The following POLR3B variants were observed in gnomAD, a reference collection of about 807,000 sequenced individuals.
POLR3B encodes RNA polymerase III subunit B.
In POLR3B, 96 loss-of-function variants were observed where a neutral mutation model predicts 147.4. The observed-to-expected ratio is 0.65, with a 90% CI of 0.55 to 0.77. The LOEUF (loss-of-function observed/expected upper bound fraction) is 0.77. Ranked by LOEUF, POLR3B falls within the 30% of genes least tolerant of loss-of-function variation. The pLI, the probability that POLR3B is intolerant of heterozygous loss-of-function variation, is 0.00. For synonymous variants in POLR3B, 461 were observed against 485.9 expected, an observed-to-expected ratio of 0.95 and a Z score of 0.67; for missense variants, 1,036 against 1,413.5, an observed-to-expected ratio of 0.73 and a Z score of 4.28.
At chr12:106,485,009 T>C (rs1301980003) in intron 23 of POLR3B, among the ~76,000 whole-genome samples, 1 of 152,162 alleles carries the variant, frequency 6.6e-6, no homozygotes, top group Non-Finnish European at 1.5e-5. Context: ...TTACTCCAGA[T>C]ATGCTGGGAA....
chr12:106,478,844 G>A (rs1371899649), intron 23 of POLR3B, among the ~76,000 whole-genome samples: 1 of 151,676 alleles, frequency 6.6e-6, no homozygotes, highest in Admixed American at 6.6e-5. Context: ...ACCCAACTTT[G>A]GTTAGGTATA....
chr12:106,472,689 C>A (rs919034971), intron 23 of POLR3B, among the ~76,000 whole-genome samples: 5 of 127,404 alleles, frequency 3.9e-5, no homozygotes, highest in Non-Finnish European at 6.5e-5. Flanking sequence ...TCATGTCCTT[C>A]GCCCACTTTT....
chr12:106,357,764 C>A lies in POLR3B; in HGVS notation c.-116C>A. The A allele has an allele frequency of 9.7e-7, 1 of 1,029,870 alleles. No individual in the cohort carries two copies. The highest frequency in any genetic ancestry group is 1.5e-6 in the Non-Finnish European group (1 of 675,532). 63.8% of individuals were successfully genotyped at this position (1,029,870 alleles called of 1,614,324 possible). A position where few individuals can be genotyped will look rare whatever the true frequency, so the allele number is the denominator to read the frequency against. Reference sequence around the variant, plus strand: ...TTCTACCGCGTCTCTAGCTAACACGCACGGCGGGGACAGTTTAGGCCTCCG... The same window carrying A: ...TTCTACCGCGTCTCTAGCTAACACGAACGGCGGGGACAGTTTAGGCCTCCG... On this transcript the variant is annotated 5_prime_UTR_variant, in exon 1 of 28. Transcript: ENST00000228347.
chr12:106,501,420 C>T lies in POLR3B; in HGVS notation c.3082C>T (p.Arg1028Ter), dbSNP rs775137613. 13 of 1,605,078 alleles carry T rather than the reference C, an allele frequency of 8.1e-6. No homozygotes were observed. Among genetic ancestry groups the T allele is most frequent in the African/African-American group, 2.7e-5 (2 of 74,730 alleles). The change falls in exon 26 of 28, where the codon CGA (arginine) becomes TGA (stop). Residue 1028 changes from arginine (R) to a stop codon, truncating the protein, a stop_gained. Transcript: ENST00000228347. LOFTEE classifies it high-confidence loss of function. ...AATGCATGCCCGGGCCCGGGGCCCACGAGCCGTCCTTACCAGGTAAGAGAA... is the reference window on the plus strand; with the variant it reads ...AATGCATGCCCGGGCCCGGGGCCCATGAGCCGTCCTTACCAGGTAAGAGAA... ...DKMHARARGP[R>*]AVLTRQPTEG...
intron 22 of POLR3B, among the ~76,000 whole-genome samples, chr12:106,461,560 CAG>C (rs1176389724): frequency 6.6e-6 from 1 of 152,148 alleles, no homozygotes; most frequent in African/African-American, 2.4e-5. Context: ...CCAAATCAGA[CAG>C]ACTCTTTGAT....
chr12:106,375,792 G>A (rs2036669234), intron 6 of POLR3B, among the ~76,000 whole-genome samples: 1 of 152,158 alleles, frequency 6.6e-6, no homozygotes, highest in African/African-American at 2.4e-5. Flanking sequence ...AGGAAGTGTT[G>A]CTGTCATTTC....
intron 23 of POLR3B, among the ~76,000 whole-genome samples, chr12:106,484,816 A>G (rs1168935329): frequency 1.3e-5 from 2 of 152,084 alleles, no homozygotes; most frequent in Non-Finnish European, 2.9e-5. Context: ...ATAGGCAGAG[A>G]GAATCATTAG....
chr12:106,476,380 A>G (rs10861612), intron 23 of POLR3B, among the ~76,000 whole-genome samples: 2,817 of 18,654 alleles, frequency 0.15, 223 homozygotes, highest in East Asian at 0.43. Context: ...TCTTTGTGGC[A>G]TTCTCTGTAT....
At chr12:106,358,773 A>T (rs141224661) in intron 1 of POLR3B, among the ~76,000 whole-genome samples, 152 of 152,334 alleles carry the variant, frequency 1.0e-3, no homozygotes, top group African/African-American at 3.5e-3. Flanking sequence ...AGAGTGAAGA[A>T]AAATAGAGGA....
At chr12:106,462,114 A>G (rs1305065999) in intron 22 of POLR3B, among the ~76,000 whole-genome samples, 1 of 152,112 alleles carries the variant, frequency 6.6e-6, no homozygotes, top group Non-Finnish European at 1.5e-5. Flanking sequence ...TCATCTTAGC[A>G]GCTCTCTTCT....
chr12:106,361,012 C>T (rs186882859), intron 1 of POLR3B, among the ~76,000 whole-genome samples: 1 of 152,166 alleles, frequency 6.6e-6, no homozygotes, highest in East Asian at 1.9e-4. Flanking sequence ...AAGGAGGAGG[C>T]GTAGGCACAA....
intron 10 of POLR3B, among the ~76,000 whole-genome samples, chr12:106,394,581 A>G (rs1048359853): frequency 6.6e-6 from 1 of 152,226 alleles, no homozygotes; most frequent in African/African-American, 2.4e-5. Flanking sequence ...TCCGGTATGC[A>G]GTTTATTTCA....
chr12:106,507,854 C>A (rs1381165051), intron 27 of POLR3B: 1 of 454,524 alleles, frequency 2.2e-6, no homozygotes, highest in Admixed American at 2.4e-5. Context: ...AAAAATGATC[C>A]CTGCTCATTG....
At chr12:106,509,281 G>T (rs1295325066) in intron 27 of POLR3B, 139 bp from the exon 28 acceptor site, 21 of 879,988 alleles carry the variant, frequency 2.4e-5, no homozygotes, top group Non-Finnish European at 3.9e-5. Context: ...TTATATGATA[G>T]TGCAACTGAA....
At chr12:106,438,414 T>TAC (rs1356975602) in intron 18 of POLR3B, among the ~76,000 whole-genome samples, 2 of 151,716 alleles carry the variant, frequency 1.3e-5, no homozygotes, top group African/African-American at 2.4e-5. Flanking sequence ...TTTATATATA[T>TAC]ACACACACAC....
intron 23 of POLR3B, among the ~76,000 whole-genome samples, chr12:106,477,677 C>T (rs1390427468): frequency 1.3e-5 from 2 of 152,084 alleles, no homozygotes; most frequent in Non-Finnish European, 2.9e-5. Flanking sequence ...AACTCCCTGA[C>T]CCCTTGTGCT....
intron 11 of POLR3B, among the ~76,000 whole-genome samples, chr12:106,409,355 G>GTTTTTTTTTTT (rs1164848244): frequency 8.1e-6 from 1 of 123,084 alleles, no homozygotes; most frequent in Non-Finnish European, 1.6e-5. Flanking sequence ...GGTTTTTTTT[G>GTTTTTTTTTTT]TTTTTTTTTT....
chr12:106,488,742 C>T (rs1291626530), intron 23 of POLR3B, among the ~76,000 whole-genome samples: 1 of 152,156 alleles, frequency 6.6e-6, no homozygotes, highest in African/African-American at 2.4e-5. Context: ...GCCTCTTCAA[C>T]TGTGTTATAA....
At chr12:106,489,142 G>A (rs1052479729) in intron 23 of POLR3B, among the ~76,000 whole-genome samples, 1 of 152,224 alleles carries the variant, frequency 6.6e-6, no homozygotes, top group Non-Finnish European at 1.5e-5. Flanking sequence ...CTCCTAAGGA[G>A]AGGAAAAACT....
Sources: gnomAD v4.1 joint callset for allele counts (sites outside exome capture counted in the v4.1 genomes callset) on GRCh38, gnomAD v4.1.1 for gene constraint, MANE v1.5 for transcripts, NCBI Gene and HGNC (gene_info 2026-07-23, HGNC 2026-07-21) for gene names.